The following ADGRD1 variants were observed in gnomAD, a reference collection of about 807,000 sequenced individuals.
ADGRD1 encodes the protein adhesion G protein-coupled receptor D1.
In ADGRD1, 77 loss-of-function variants were observed where a neutral mutation model predicts 113.4. That is an observed-to-expected ratio of 0.68 (90% CI 0.57 to 0.82). ADGRD1 has a LOEUF of 0.82. Ranked by LOEUF, ADGRD1 falls within the 40% of genes least tolerant of loss-of-function variation. The pLI is 0.00. For synonymous variants in ADGRD1, 474 were observed against 475.0 expected (o/e 1.00, Z 0.03); for missense variants, 1,036 against 1,139.1 (o/e 0.91, Z 1.30).
chr12:131,032,461 G>T (rs1422612833), intron 13 of ADGRD1, among the ~76,000 whole-genome samples: 2 of 149,466 alleles, frequency 1.3e-5, no homozygotes, highest in South Asian at 4.2e-4. Context: ...GTCCCCCACC[G>T]CTGTGTGGCC....
intron 8 of ADGRD1, chr12:130,994,190 G>T (rs1159060067): frequency 2.4e-6 from 1 of 421,150 alleles, no homozygotes; most frequent in East Asian, 7.3e-5. Flanking sequence ...GAAAGAGCGG[G>T]TATAGACAAG....
rs1047046436 is a variant in ADGRD1 at position 131,140,157 on chromosome 12, G to C, written c.*894G>C. 7.9e-5 allele frequency: 12 copies of C among 152,264 alleles called. No homozygotes were observed. Among genetic ancestry groups the C allele is most frequent in the African/African-American group, 2.7e-4 (11 of 41,468 alleles). The allele number at this position is 152,264 out of a possible 1,614,324, so 9.4% of individuals were successfully genotyped here. On this transcript the variant is annotated 3_prime_UTR_variant, in exon 25 of 25. Coordinates refer to ENST00000261654, the MANE Select transcript of ADGRD1 (RefSeq NM_198827.5). The stretch of plus-strand genomic sequence containing the variant: ...GCTGGCCGTGTCCCCGCAGTGCCTG[G>C]TGTCCAGGTGGAAAGTGGAGGGCAT...
intron 12 of ADGRD1, among the ~76,000 whole-genome samples, chr12:131,007,807 G>A (rs1877337229): frequency 6.6e-6 from 1 of 152,256 alleles, no homozygotes; most frequent in Non-Finnish European, 1.5e-5. Context: ...TTCATTTGCA[G>A]TGAAGTTGGA....
At chr12:131,083,025 C>T (rs1424929722) in intron 14 of ADGRD1, among the ~76,000 whole-genome samples, 3 of 152,214 alleles carry the variant, frequency 2.0e-5, no homozygotes, top group African/African-American at 7.2e-5. Context: ...GCTGCTGGTG[C>T]GTGTTCCATC....
intron 13 of ADGRD1, among the ~76,000 whole-genome samples, chr12:131,046,508 CCCCCTCCCTGGTCAAT>C (rs1882811098): frequency 7.5e-6 from 1 of 133,446 alleles, no homozygotes; most frequent in African/African-American, 2.9e-5. Flanking sequence ...CTGGTCAGTG[CCCCCTCCCTGGTCAAT>C]GCTCCCTCCC....
At chr12:131,076,573 C>A (rs1006164064) in intron 13 of ADGRD1, among the ~76,000 whole-genome samples, 1 of 151,846 alleles carries the variant, frequency 6.6e-6, no homozygotes, top group African/African-American at 2.4e-5. Context: ...GAGGGCCCGG[C>A]ACCTGCCAGG....
chr12:131,130,132 G>C (rs1470456656), intron 20 of ADGRD1, among the ~76,000 whole-genome samples: 1 of 152,246 alleles, frequency 6.6e-6, no homozygotes, highest in Non-Finnish European at 1.5e-5. Context: ...ACACAGTGAG[G>C]TTGGCTGGGG....
rs781764791 is a variant in ADGRD1, at chr12:131,104,890, C to G, written c.1731C>G (p.Ser577=). ...TCAGCTATGTGGGCTGCTCCCTCTC[C>G]GTGCTCTGCCTGGTGGCCACGCTGG... ...SSISYVGCSL[S]VLCLVATLVT... is the part of the protein sequence containing the mutation. Residue 577 remains serine (S), a synonymous_variant, in exon 16 of 25, where the codon TCC becomes TCG. Coordinates refer to ENST00000261654, the MANE Select transcript of ADGRD1 (RefSeq NM_198827.5). 1 of 1,551,566 alleles carries G rather than the reference C, an allele frequency of 6.4e-7. No homozygotes were observed. The highest frequency in any genetic ancestry group is 1.7e-4 in the Middle Eastern group (1 of 5,990).
At chr12:131,039,388 G>T (rs569157766) in intron 13 of ADGRD1, among the ~76,000 whole-genome samples, 2 of 152,366 alleles carry the variant, frequency 1.3e-5, no homozygotes, top group South Asian at 4.1e-4. Flanking sequence ...TGAGAGGAGG[G>T]TTTCCATAAA....
At position 131,014,255 on chromosome 12, in the gene ADGRD1, T is replaced by C; in HGVS notation, c.1388T>C (p.Ile463Thr). The C allele has an allele frequency of 6.2e-7, 1 of 1,614,108 alleles. No individual in the cohort carries two copies. The highest frequency in any genetic ancestry group is 8.5e-7 in the Non-Finnish European group (1 of 1,179,964). ...DCLLFATSHL[I>T]SLEVSPPPTL... ...CTGCTGTTCGCCACCAGCCACCTGATTTCCCTGGAGGTGTCCCCACCACCC... is the reference window on the plus strand; with the variant it reads ...CTGCTGTTCGCCACCAGCCACCTGACTTCCCTGGAGGTGTCCCCACCACCC... Residue 463 changes from isoleucine to threonine, a missense_variant, in exon 13 of 25, where the codon ATT (isoleucine) becomes ACT (threonine). By Grantham distance (89) the Ile-to-Thr change is moderately conservative. Transcript: ENST00000261654.
In ADGRD1 at chr12:131,003,419, C is replaced by A; in HGVS notation, c.1144+117C>A. ...GCCATGCTCTGTCTCCCTGACTGCT[C>A]TGCCTGGCACAAACCACATTTGGAA... On this transcript the variant is annotated intron_variant, in intron 10 of 24. Coordinates refer to ENST00000261654, the MANE Select transcript of ADGRD1 (RefSeq NM_198827.5). The surrounding 1 kb of genome is among the most constrained non-coding windows in gnomAD (Gnocchi z 4.8). The A allele has an allele frequency of 1.3e-6, 1 of 779,420 alleles. No homozygotes were observed. Among genetic ancestry groups the A allele is most frequent in the South Asian group, 1.5e-5 (1 of 65,394 alleles). 48.3% of individuals were successfully genotyped at this position (779,420 alleles called of 1,614,324 possible). A position where few individuals can be genotyped will look rare whatever the true frequency, so the allele number is the denominator to read the frequency against.
At chr12:131,005,844 C>T (rs751333651) in intron 11 of ADGRD1, 128 bp from the exon 12 acceptor site, 8 of 734,368 alleles carry the variant, frequency 1.1e-5, no homozygotes, top group Non-Finnish European at 1.7e-5. Context: ...GTGTCCTTCA[C>T]TTCCTTCTCC....
rs748501625 is a variant in ADGRD1 at position 130,966,069 on chromosome 12, T to G, written c.104-394T>G. On this transcript the variant is annotated intron_variant, in intron 2 of 24. Transcript: ENST00000261654. This position sits in a 1 kb window ranked among gnomAD's most constrained non-coding sequence, Gnocchi z 4.6. ...TCTTTTAAAATGATTTTACCCTTAT[T>G]TGTTTCTATAGTGTGATTGCATTGA... Among the ~76,000 whole-genome samples the G allele has an allele frequency of 1.1e-4, 17 of 152,196 alleles. No individual in the cohort carries two copies. Among genetic ancestry groups the G allele is most frequent in the Non-Finnish European group, 1.8e-4 (12 of 68,030 alleles).
chr12:130,986,892 T>C, intron 5 of ADGRD1: 1 of 569,834 alleles, frequency 1.8e-6, no homozygotes, highest in Non-Finnish European at 3.1e-6. Flanking sequence ...ATTTAGGGCA[T>C]AAGGACAAAA....
chr12:130,968,996 C>T (rs1457865344), intron 3 of ADGRD1: 4 of 1,534,730 alleles, frequency 2.6e-6, no homozygotes, highest in Admixed American at 2.0e-5. Context: ...CCCACAAGCT[C>T]ACTGTGCTTC....
chr12:131,002,840 A>G, intron 9 of ADGRD1: 1 of 1,239,560 alleles, frequency 8.1e-7, no homozygotes, highest in South Asian at 1.5e-5. Flanking sequence ...ACAGGGAGGT[A>G]GGGGGAGGGT....
intron 15 of ADGRD1, among the ~76,000 whole-genome samples, chr12:131,094,909 C>CG (rs1566104601): frequency 2.0e-5 from 3 of 152,166 alleles, no homozygotes; most frequent in Non-Finnish European, 4.4e-5. Context: ...GGAGCTCACC[C>CG]GGGGGAGGCG....
In ADGRD1 at chr12:131,120,850, C is replaced by G; in HGVS notation, c.2112C>G (p.Cys704Trp). Residue 704 changes from cysteine (C) to tryptophan (W), a missense_variant, in exon 20 of 25, where the codon TGC (cysteine) becomes TGG (tryptophan). Physicochemically the swap from Cys to Trp is radical, Grantham distance 215 (BLOSUM62 -2). Coordinates refer to ENST00000261654, the MANE Select transcript of ADGRD1 (RefSeq NM_198827.5). ...AMDSYGTSNN[C>W]WLSLASGAIW... is the part of the protein sequence containing the mutation. ...ACGGCTCTGCTTCCCTCCGCAGTTG[C>G]TGGCTGTCGTTGGCGAGTGGCGCCA... 1 of 1,614,242 alleles carries G rather than the reference C, an allele frequency of 6.2e-7. No individual in the cohort carries two copies.
chr12:131,105,992 T>A, intron 17 of ADGRD1, 127 bp downstream of exon 17: 3 of 683,782 alleles, frequency 4.4e-6, no homozygotes, highest in Non-Finnish European at 7.6e-6. Context: ...CAACCAGGGC[T>A]GTGGTTTTCT....
Sources: gnomAD v4.1 joint callset for allele counts (sites outside exome capture counted in the v4.1 genomes callset) on GRCh38, gnomAD v4.1.1 for gene constraint, Gnocchi (gnomAD v3.1) non-coding constraint, MANE v1.5 for transcripts, NCBI Gene and HGNC (gene_info 2026-07-23, HGNC 2026-07-21) for gene names.